RXFP2: variants seen among roughly 807,000 people sequenced by gnomAD.
RXFP2 encodes the protein relaxin family peptide receptor 2.
A neutral mutation model predicts 88.6 loss-of-function variants in RXFP2; 68 were observed. The observed-to-expected ratio is 0.77, with a 90% confidence interval of 0.63 to 0.94. RXFP2 has a LOEUF of 0.94. RXFP2 is among the 40% of genes least tolerant of loss of function. The pLI is 0.00. For missense variants in RXFP2, 791 were observed against 893.9 expected (o/e 0.88, Z 1.47); for synonymous variants, 329 against 306.8 (o/e 1.07, Z -0.76).
chr13:31,746,681 T>C (rs1871432088), intron 1 of RXFP2, among the ~76,000 whole-genome samples: 1 of 152,080 alleles, frequency 6.6e-6, no homozygotes, highest in Non-Finnish European at 1.5e-5. Context: ...CCAGTAGACA[T>C]TGAATAGGTC....
intron 9 of RXFP2, 33 bp downstream of exon 9, chr13:31,778,616 TG>T (rs1185786933): frequency 4.2e-6 from 6 of 1,434,312 alleles, no homozygotes; most frequent in Non-Finnish European, 5.9e-6. Context: ...ATTTGTTATT[TG>T]CCCTGATTAA....
intron 5 of RXFP2, 108 bp from the exon 6 acceptor site, chr13:31,774,512 C>A: frequency 1.3e-6 from 1 of 749,450 alleles, no homozygotes. Flanking sequence ...GGACTTCGTA[C>A]TTCAATTTCA....
intron 9 of RXFP2, among the ~76,000 whole-genome samples, chr13:31,780,141 A>G (rs980310004): frequency 6.6e-6 from 1 of 152,208 alleles, no homozygotes; most frequent in East Asian, 1.9e-4. Context: ...TTCCGGAGAC[A>G]CTTATTTTCA....
intron 2 of RXFP2, 52 bp downstream of exon 2, chr13:31,758,456 A>G: frequency 6.3e-7 from 1 of 1,597,988 alleles, no homozygotes; most frequent in Non-Finnish European, 8.6e-7. Context: ...GAACACCCCA[A>G]AACTGTGGGT....
At chr13:31,740,814 C>G (rs1292737389) in intron 1 of RXFP2, among the ~76,000 whole-genome samples, 1 of 151,972 alleles carries the variant, frequency 6.6e-6, no homozygotes, top group Non-Finnish European at 1.5e-5. Flanking sequence ...TAAGGATTAA[C>G]TAAGAAGAAA....
At chr13:31,777,313 G>T in intron 7 of RXFP2, 63 bp from the exon 8 acceptor site, 1 of 1,154,462 alleles carries the variant, frequency 8.7e-7, no homozygotes. Flanking sequence ...GTGTTGAGGG[G>T]AGGCAGGTTT....
At chr13:31,798,781 T>C (rs1457361547) in intron 17 of RXFP2, among the ~76,000 whole-genome samples, 1 of 152,200 alleles carries the variant, frequency 6.6e-6, no homozygotes, top group Non-Finnish European at 1.5e-5. Context: ...CAGCCTTTCC[T>C]GAAGCTGTCC....
At chr13:31,762,365 G>T (rs879878961) in intron 3 of RXFP2, among the ~76,000 whole-genome samples, 3 of 152,240 alleles carry the variant, frequency 2.0e-5, no homozygotes, top group Non-Finnish European at 4.4e-5. Flanking sequence ...GAGGTGACAG[G>T]ATGAGCAGAG....
At chr13:31,759,375 G>GAGAAAGAAAGAAAGAAAGAAAGAAGAA (rs1872144086) in intron 2 of RXFP2, among the ~76,000 whole-genome samples, 1 of 22,944 alleles carries the variant, frequency 4.4e-5, no homozygotes, top group Non-Finnish European at 8.3e-5. Context: ...CATTTGGATT[G>GAGAAAGAAAGAAAGAAAGAAAGAAGAA]AGAAAGAAAG....
At chr13:31,760,014 C>A (rs763721078) in intron 2 of RXFP2, among the ~76,000 whole-genome samples, 1 of 152,186 alleles carries the variant, frequency 6.6e-6, no homozygotes, top group African/African-American at 2.4e-5. Flanking sequence ...GTTATCACAG[C>A]ACCCTGGGTG....
rs200105332 is a variant in RXFP2 at position 31,758,383 on chromosome 13, G to A, written c.220G>A (p.Gly74Arg). The A allele has an allele frequency of 2.5e-5, 40 of 1,614,096 alleles. No homozygotes were observed. The East Asian group carries it at 5.8e-4, about 23-fold the overall frequency. The change falls in exon 2 of 18, where the codon GGG (glycine) becomes AGG (arginine). Residue 74 changes from glycine to arginine, a missense_variant. Gly to Arg is a moderately radical substitution (Grantham distance 125, BLOSUM62 -2). Transcript: ENST00000298386. Reference sequence around the variant, plus strand: ...TGATGGCAAGGATGACTGTGGGAACGGGGCGGACGAAGAGAACTGTGGTGA... The same window carrying A: ...TGATGGCAAGGATGACTGTGGGAACAGGGCGGACGAAGAGAACTGTGGTGA... ...HCDGKDDCGN[G>R]ADEENCGDTS...
Position 31,792,036 on chromosome 13 carries a change from G to T in RXFP2, c.1375+1G>T, listed in dbSNP as rs1440425769. 8.8e-6 allele frequency: 14 copies of T among 1,596,560 alleles called. No individual in the cohort carries two copies. Among genetic ancestry groups the T allele is most frequent in the East Asian group, 4.5e-5 (2 of 44,802 alleles). On this transcript the variant is annotated splice_donor_variant, in intron 15 of 17. Transcript: ENST00000298386. LOFTEE classifies it high-confidence loss of function. ...GCTATGTCCATCAAAATCCTTTGTT[G>T]TAAGTATGTTTCCAGTATAAGTAGA...
At chr13:31,773,193 C>T (rs989829446) in intron 5 of RXFP2, among the ~76,000 whole-genome samples, 4 of 152,166 alleles carry the variant, frequency 2.6e-5, no homozygotes, top group Non-Finnish European at 4.4e-5. Flanking sequence ...CTCTGTGAAG[C>T]ATCTCCCCAT....
At position 31,788,798 on chromosome 13, in the gene RXFP2, A is replaced by G. The variant is rs559771059; in HGVS notation, c.1074-324A>G. ...TCCTGAATTAAACCCTCTAATTCCT[A>G]TGGCATTACTTATATTAATAAAATC... On this transcript the variant is annotated intron_variant, in intron 13 of 17. Coordinates refer to ENST00000298386, the MANE Select transcript of RXFP2 (RefSeq NM_130806.5). Among the ~76,000 whole-genome samples the G allele has an allele frequency of 5.9e-5, 9 of 152,324 alleles. 1 individual carries two copies. The East Asian group carries it at 1.7e-3, about 29-fold the overall frequency.
intron 1 of RXFP2, among the ~76,000 whole-genome samples, chr13:31,752,597 A>G (rs970452771): frequency 6.6e-6 from 1 of 152,164 alleles, no homozygotes; most frequent in African/African-American, 2.4e-5. Flanking sequence ...CTCTTCGCCT[A>G]CCTTAGCATT....
intron 11 of RXFP2, among the ~76,000 whole-genome samples, chr13:31,783,320 C>T (rs1025653796): frequency 4.6e-5 from 7 of 152,078 alleles, no homozygotes; most frequent in African/African-American, 9.7e-5. Flanking sequence ...TCATTTCTCT[C>T]GCTATTAATT....
chr13:31,747,957 A>T (rs1871496062), intron 1 of RXFP2, among the ~76,000 whole-genome samples: 1 of 152,220 alleles, frequency 6.6e-6, no homozygotes. Context: ...CTTAAAAGTC[A>T]GAGCTGCAAA....
chr13:31,784,269 A>G (rs957925945), intron 11 of RXFP2, among the ~76,000 whole-genome samples: 10 of 152,172 alleles, frequency 6.6e-5, no homozygotes, highest in African/African-American at 2.4e-4. Context: ...CCAGCTTGCT[A>G]TTAAGATCTA....
At chr13:31,778,870 A>G (rs1207175821) in intron 9 of RXFP2, among the ~76,000 whole-genome samples, 1 of 152,154 alleles carries the variant, frequency 6.6e-6, no homozygotes, top group Non-Finnish European at 1.5e-5. Flanking sequence ...CCTACAGTCA[A>G]TTCCCTAAGC....
Sources: allele counts gnomAD v4.1 joint callset (sites outside exome capture counted in the v4.1 genomes callset), GRCh38; gene constraint gnomAD v4.1.1; transcripts MANE v1.5; gene names NCBI Gene and HGNC (gene_info 2026-07-23, HGNC 2026-07-21).